Variants in ASCC1 observed in about 807,000 individuals in gnomAD.
The protein encoded by ASCC1 is ASC-1 complex subunit P50.
A neutral mutation model predicts 46.6 loss-of-function variants in ASCC1; 35 were observed. That is an observed-to-expected ratio of 0.75 (90% CI 0.57 to 0.99). ASCC1 has a LOEUF of 0.99. Among genes scored for constraint, ASCC1 ranks in the 50% least tolerant of loss-of-function variants. The pLI, the probability that ASCC1 is intolerant of heterozygous loss-of-function variation, is 0.00. For missense variants in ASCC1, 376 were observed against 428.7 expected (o/e 0.88, Z 1.09); for synonymous variants, 143 against 146.6 (o/e 0.98, Z 0.18).
intron 7 of ASCC1, among the ~76,000 whole-genome samples, chr10:72,138,600 C>CTTT (rs1011535460): frequency 2.1e-3 from 218 of 104,448 alleles, no homozygotes; most frequent in African/African-American, 3.8e-3. Flanking sequence ...TTCTTTCTTT[C>CTTT]TTTTTTTTTT....
chr10:72,153,051 G>C, intron 6 of ASCC1, 63 bp from the exon 7 acceptor site: 1 of 1,601,344 alleles, frequency 6.2e-7, no homozygotes, highest in Non-Finnish European at 8.5e-7. Context: ...ATTTTATTTT[G>C]AAACATGGTT....
intron 3 of ASCC1, among the ~76,000 whole-genome samples, chr10:72,204,777 A>G (rs905164001): frequency 6.6e-6 from 1 of 152,182 alleles, no homozygotes; most frequent in Non-Finnish European, 1.5e-5. Flanking sequence ...GTAATTTCCA[A>G]GTGGTTTTCC....
chr10:72,130,974 C>G (rs906210096), intron 8 of ASCC1, among the ~76,000 whole-genome samples: 1 of 152,188 alleles, frequency 6.6e-6, no homozygotes, highest in Non-Finnish European at 1.5e-5. Context: ...TCAGGGGATT[C>G]TCAATTTGTT....
intron 6 of ASCC1, among the ~76,000 whole-genome samples, chr10:72,157,478 G>A (rs1849121971): frequency 6.6e-6 from 1 of 152,160 alleles, no homozygotes; most frequent in South Asian, 2.1e-4. Context: ...TATATTTAAT[G>A]TTATATCTGC....
chr10:72,118,966 A>T (rs1197881568), intron 9 of ASCC1, among the ~76,000 whole-genome samples: 1 of 152,194 alleles, frequency 6.6e-6, no homozygotes. Context: ...AAACCTTGAC[A>T]ACTCTTCATA....
chr10:72,197,462 T>A (rs1231227356), intron 4 of ASCC1, among the ~76,000 whole-genome samples: 1 of 80,452 alleles, frequency 1.2e-5, no homozygotes, highest in Admixed American at 2.1e-4. Context: ...AGCAAGACTC[T>A]ATCTCAAAAA....
At chr10:72,145,906 G>C (rs1348523494) in intron 7 of ASCC1, among the ~76,000 whole-genome samples, 2 of 152,254 alleles carry the variant, frequency 1.3e-5, no homozygotes, top group South Asian at 2.1e-4. Context: ...CTTCCTTTAA[G>C]TGGCATATAA....
At chr10:72,196,360 C>A (rs902560152) in intron 5 of ASCC1, among the ~76,000 whole-genome samples, 5 of 151,160 alleles carry the variant, frequency 3.3e-5, no homozygotes, top group African/African-American at 1.2e-4. Flanking sequence ...CTCACTGCAA[C>A]CCCCATCTCC....
intron 5 of ASCC1, among the ~76,000 whole-genome samples, chr10:72,163,592 G>C (rs1043426128): frequency 6.6e-6 from 1 of 151,904 alleles, no homozygotes; most frequent in Non-Finnish European, 1.5e-5. Flanking sequence ...AAAATTAGCC[G>C]GGTGTGGTGG....
chr10:72,212,300 C>T, intron 2 of ASCC1: 1 of 169,122 alleles, frequency 5.9e-6, no homozygotes, highest in South Asian at 1.1e-4. Flanking sequence ...GTGACAAGAG[C>T]AAAACTCTGT....
At chr10:72,208,779 G>C (rs1857599567) in intron 3 of ASCC1, among the ~76,000 whole-genome samples, 1 of 151,816 alleles carries the variant, frequency 6.6e-6, no homozygotes, top group African/African-American at 2.4e-5. Context: ...GTGTGTGTGT[G>C]TGTGTTTGTG....
intron 5 of ASCC1, among the ~76,000 whole-genome samples, chr10:72,194,076 G>T (rs1854987176): frequency 6.6e-6 from 1 of 151,574 alleles, no homozygotes; most frequent in East Asian, 1.9e-4. Context: ...TCTAGAGACG[G>T]GGTTTCACCA....
rs374405847 is a variant in ASCC1 at position 72,187,609 on chromosome 10, A to G, written c.489+9202T>C. ...GTGGCGAGCGCCTGTAGTCCCAGCT[A>G]CTCGGGAAGCTGAGACAGGAGAATG... On this transcript the variant is annotated intron_variant, in intron 5 of 9. Transcript: ENST00000672957. Among the ~76,000 whole-genome samples, 188 of 151,130 alleles carry G rather than the reference A, an allele frequency of 1.2e-3. 2 individuals are homozygous for G. The highest frequency in any genetic ancestry group is 4.5e-3 in the African/African-American group (184 of 40,920).
rs983803306 is a variant in ASCC1, at chr10:72,138,576, T to G, written c.747-5395A>C. On this transcript the variant is annotated intron_variant, in intron 7 of 9. Coordinates refer to ENST00000672957, the MANE Select transcript of ASCC1 (RefSeq NM_001198800.3). ...ATCCAAGTCTACAGGCAGCCTGTGC[T>G]GTTTCCTTTTTCTTTCTTTCTTTCT... Among the ~76,000 whole-genome samples the G allele has an allele frequency of 5.9e-5, 9 of 151,782 alleles. No individual in the cohort carries two copies. In the East Asian group the frequency reaches 1.7e-3, roughly 29 times the overall value.
At position 72,096,405 on chromosome 10, in the gene ASCC1, C is replaced by T. The variant is rs1180155458; in HGVS notation, c.*929G>A. 4.4e-6 allele frequency: 2 copies of T among 454,012 alleles called. No homozygotes were observed. Among genetic ancestry groups the T allele is most frequent in the Admixed American group, 4.7e-5 (2 of 42,546 alleles). 28.1% of individuals were successfully genotyped at this position (454,012 alleles called of 1,614,324 possible). On this transcript the variant is annotated 3_prime_UTR_variant, in exon 10 of 10. Coordinates refer to ENST00000672957, the MANE Select transcript of ASCC1 (RefSeq NM_001198800.3). Reference sequence around the variant, plus strand: ...AAAAGTAAACAAAAAAGGGCTGCAACACTGCAACTCCATCAGGGGCATGGG... The same window carrying T: ...AAAAGTAAACAAAAAAGGGCTGCAATACTGCAACTCCATCAGGGGCATGGG...
intron 3 of ASCC1, among the ~76,000 whole-genome samples, chr10:72,206,680 C>T (rs1857265551): frequency 6.6e-6 from 1 of 152,064 alleles, no homozygotes; most frequent in African/African-American, 2.4e-5. Flanking sequence ...CTACGGAATC[C>T]GGCTTGGATT....
chr10:72,197,274 A>G (rs1746161736), intron 4 of ASCC1, among the ~76,000 whole-genome samples: 2 of 151,978 alleles, frequency 1.3e-5, no homozygotes, highest in Admixed American at 6.6e-5. Context: ...GATCGAGACC[A>G]TCCTGGCTAA....
intron 7 of ASCC1, among the ~76,000 whole-genome samples, chr10:72,134,888 G>A (rs1250815980): frequency 1.3e-5 from 2 of 152,182 alleles, no homozygotes; most frequent in Non-Finnish European, 2.9e-5. Context: ...ATGCCTCCTT[G>A]TTTCTCACAA....
chr10:72,187,972 T>A (rs181028717), intron 5 of ASCC1, among the ~76,000 whole-genome samples: 2 of 150,864 alleles, frequency 1.3e-5, no homozygotes, highest in African/African-American at 2.4e-5. Context: ...AAAAAAAAAA[T>A]TGGTTTTACA....
Sources: allele counts gnomAD v4.1 joint callset (sites outside exome capture counted in the v4.1 genomes callset), GRCh38; gene constraint gnomAD v4.1.1; transcripts MANE v1.5; gene names NCBI Gene and HGNC (gene_info 2026-07-23, HGNC 2026-07-21).